Variants in TF observed in about 807,000 individuals in gnomAD.
The protein encoded by TF is transferrin, also known as serotransferrin.
Under a neutral mutation model 82.4 loss-of-function variants are expected in TF, and 55 were observed. The ratio of observed to expected loss-of-function variants is 0.67; its 90% confidence interval spans 0.54 to 0.84. The LOEUF is 0.84. TF is among the 40% of genes least tolerant of loss of function. The probability of loss-of-function intolerance (pLI) is 0.00; values close to 1 mark genes in which losing one functional copy is unlikely to be tolerated. For synonymous variants in TF, 332 were observed against 332.6 expected (o/e 1.00, Z 0.02); for missense variants, 737 against 868.4 (o/e 0.85, Z 1.90).
intron 16 of TF, chr3:133,777,642 A>G (rs565232409): frequency 5.1e-6 from 1 of 197,798 alleles, no homozygotes; most frequent in Middle Eastern, 2.2e-3. Context: ...TATTTCTTCA[A>G]TCCCACCTAG....
At chr3:133,750,870 G>C (rs1208247108) in intron 2 of TF, among the ~76,000 whole-genome samples, 1 of 152,186 alleles carries the variant, frequency 6.6e-6, no homozygotes. Flanking sequence ...CCATGTTGGT[G>C]TGCTGCACCC....
chr3:133,759,473 C>T, intron 9 of TF, 144 bp downstream of exon 9: 2 of 997,282 alleles, frequency 2.0e-6, no homozygotes, highest in Non-Finnish European at 3.1e-6. Context: ...CACAGCCCCA[C>T]CGGAGGTTCA....
At chr3:133,719,570 T>C in the TF span, among the ~76,000 whole-genome samples, 2 of 152,214 alleles carry the variant, frequency 1.3e-5, no homozygotes, top group African/African-American at 4.8e-5. Context: ...TTGTTCTTTA[T>C]GCTCAGGATT....
At chr3:133,679,740 A>C in the TF span, among the ~76,000 whole-genome samples, 1 of 152,130 alleles carries the variant, frequency 6.6e-6, no homozygotes, top group African/African-American at 2.4e-5. Context: ...ATTGTCTCCC[A>C]TTTGGGGCTA....
In TF at chr3:133,782,067, A is replaced by G. The variant is rs966269899; in HGVS notation, c.*3447A>G. 2 of 152,222 alleles carry G rather than the reference A, an allele frequency of 1.3e-5. No individual in the cohort carries two copies. The highest frequency in any genetic ancestry group is 1.3e-4 in the Admixed American group (2 of 15,290). The allele number at this position is 152,222 out of a possible 1,614,324, so 9.4% of individuals were successfully genotyped here. A position where few individuals can be genotyped will look rare whatever the true frequency, so the allele number is the denominator to read the frequency against. On this transcript the variant is annotated 3_prime_UTR_variant, in exon 17 of 17. Transcript: ENST00000402696. ...AAAGGTGTTCAACATCACTAATCAT[A>G]AGGGAAATGTGAATTGAAACCATTA... is the stretch of plus-strand genomic sequence containing the variant.
At chr3:133,715,174 T>C in the TF span, among the ~76,000 whole-genome samples, 31 of 152,354 alleles carry the variant, frequency 2.0e-4, no homozygotes, top group South Asian at 5.8e-3. Flanking sequence ...CATGTATCTC[T>C]AGTCCTCCCA....
rs1183331227 is a variant in TF, at chr3:133,794,226, C to T, written c.*15606C>T. The T allele has an allele frequency of 1.3e-5, 2 of 152,096 alleles. No individual in the cohort carries two copies. Among genetic ancestry groups the T allele is most frequent in the African/African-American group, 2.4e-5 (1 of 41,428 alleles). The allele number at this position is 152,096 out of a possible 1,614,324, so 9.4% of individuals were successfully genotyped here. ...AGTAAAATTTCTGCATTACATGACT[C>T]GTCACGGAAAAGATAAAATGATCCA... On this transcript the variant is annotated 3_prime_UTR_variant, in exon 17 of 17. Transcript: ENST00000402696.
chr3:133,772,338 C>G (rs1934280295), intron 14 of TF, among the ~76,000 whole-genome samples: 1 of 152,090 alleles, frequency 6.6e-6, no homozygotes, highest in Non-Finnish European at 1.5e-5. Context: ...CTGAGTAGAG[C>G]TCCCTTCTTT....
chr3:133,736,631 CAA>C, the TF span, among the ~76,000 whole-genome samples: 332 of 32,562 alleles, frequency 0.01, 6 homozygotes, highest in African/African-American at 0.038. Flanking sequence ...AATGGAAAGC[CAA>C]AAAAAAAAAA....
chr3:133,744,274 A>G (rs78809711), upstream of TF, among the ~76,000 whole-genome samples: 351 of 152,296 alleles, frequency 2.3e-3, 2 homozygotes, highest in East Asian at 0.017. Context: ...TGGGCTCCAG[A>G]AAAGGAGAAT....
intron 11 of TF, 30 bp from the exon 12 acceptor site, chr3:133,766,248 A>C: frequency 3.7e-6 from 6 of 1,612,920 alleles, no homozygotes; most frequent in Non-Finnish European, 5.1e-6. Flanking sequence ...AGAGGTGTTA[A>C]TACATCCTTT....
the TF span, among the ~76,000 whole-genome samples, chr3:133,670,341 A>G: frequency 7.2e-5 from 11 of 152,242 alleles, no homozygotes; most frequent in African/African-American, 2.7e-4. Context: ...TCCAAAGACC[A>G]TCTTTGCCGT....
At chr3:133,701,067 C>T in the TF span, 2 of 152,500 alleles carry the variant, frequency 1.3e-5, no homozygotes, top group Non-Finnish European at 2.9e-5. Flanking sequence ...TGTAAGGTCC[C>T]GGGAGGGACC....
At chr3:133,692,583 T>A in the TF span, among the ~76,000 whole-genome samples, 3 of 152,030 alleles carry the variant, frequency 2.0e-5, no homozygotes, top group Non-Finnish European at 4.4e-5. Context: ...AAAGAACTAG[T>A]GTTTATTGCC....
the TF span, among the ~76,000 whole-genome samples, chr3:133,723,813 AC>A: frequency 6.7e-6 from 1 of 148,464 alleles, no homozygotes; most frequent in Non-Finnish European, 1.5e-5. Flanking sequence ...CCCCTTCCCC[AC>A]CCCACCACAG....
chr3:133,765,486 C>T (rs1250273111), intron 11 of TF, among the ~76,000 whole-genome samples: 1 of 152,226 alleles, frequency 6.6e-6, no homozygotes. Context: ...AAGTCTTACA[C>T]CAAGGTGAGC....
At chr3:133,695,590 C>G in the TF span, among the ~76,000 whole-genome samples, 1 of 152,050 alleles carries the variant, frequency 6.6e-6, no homozygotes, top group African/African-American at 2.4e-5. Context: ...GTTATAAGAC[C>G]CAGAATCTGG....
chr3:133,691,642 C>G, the TF span: 2 of 152,724 alleles, frequency 1.3e-5, no homozygotes, highest in Admixed American at 1.3e-4. Flanking sequence ...GTCTATTGAG[C>G]AAGTGTCTCT....
At chr3:133,755,779 C>G in intron 5 of TF, 2 of 508,920 alleles carry the variant, frequency 3.9e-6, no homozygotes, top group South Asian at 4.1e-5. Context: ...TCGGGCAGAG[C>G]CTGAAAGGAC....
Sources: gnomAD v4.1 joint callset for allele counts (sites outside exome capture counted in the v4.1 genomes callset) on GRCh38, gnomAD v4.1.1 for gene constraint, MANE v1.5 for transcripts, NCBI Gene and HGNC (gene_info 2026-07-23, HGNC 2026-07-21) for gene names.